Variants in CHD8 observed in about 807,000 individuals in gnomAD.
CHD8 encodes the protein chromodomain helicase DNA binding protein 8, also known as ATP-dependent chromatin remodeler CHD8.
CHD8 carries 31 observed loss-of-function variants against 279.2 expected under a neutral mutation model. The ratio of observed to expected loss-of-function variants is 0.11; its 90% confidence interval spans 0.08 to 0.15. CHD8 has a LOEUF of 0.15. Among genes scored for constraint, CHD8 ranks in the 10% least tolerant of loss-of-function variants. The probability of loss-of-function intolerance (pLI) is 1.00; values close to 1 mark genes in which losing one functional copy is unlikely to be tolerated. For missense variants in CHD8, 2,146 were observed against 3,230.5 expected (o/e 0.66, Z 8.14); for synonymous variants, 1,081 against 1,139.6 (o/e 0.95, Z 1.04).
At position 21,437,007 on chromosome 14, in the gene CHD8, T is replaced by C. The variant is rs995277596; in HGVS notation, c.-215-5149A>G. On this transcript the variant is annotated intron_variant, in intron 1 of 37. Coordinates refer to ENST00000646647, the MANE Select transcript of CHD8 (RefSeq NM_001170629.2). Reference sequence around the variant, plus strand: ...GGAAATGAGGTACATGCACTTGAGGTAAGGAGCTAGCGGGGGTGCCCTCCA... The same window carrying C: ...GGAAATGAGGTACATGCACTTGAGGCAAGGAGCTAGCGGGGGTGCCCTCCA... The C allele has an allele frequency of 1.0e-5, 13 of 1,238,588 alleles. No homozygotes were observed. The Admixed American group carries it at 3.3e-4, about 31-fold the overall frequency. The allele number at this position is 1,238,588 out of a possible 1,614,324, so 76.7% of individuals were successfully genotyped here. A position where few individuals can be genotyped will look rare whatever the true frequency, so the allele number is the denominator to read the frequency against.
In CHD8 at chr14:21,408,266, G is replaced by T. The variant is rs1158993087; in HGVS notation, c.2730+46C>A. 8 of 1,589,338 alleles carry T rather than the reference G, an allele frequency of 5.0e-6. No homozygotes were observed. The highest frequency in any genetic ancestry group is 6.9e-6 in the Non-Finnish European group (8 of 1,167,838). On this transcript the variant is annotated intron_variant, in intron 13 of 37. Transcript: ENST00000646647. The surrounding 1 kb of genome is among the most constrained non-coding windows in gnomAD (Gnocchi z 4.3). ...TAGCCCTTAAAATACCAGGTACCTT[G>T]GCCGACTTTCTCTAACTCATAGTAT...
At chr14:21,443,869 A>AAAAAC (rs1566455028) in intron 1 of CHD8, among the ~76,000 whole-genome samples, 5 of 151,436 alleles carry the variant, frequency 3.3e-5, no homozygotes, top group African/African-American at 1.2e-4. Context: ...AAAAAAAAAA[A>AAAAAC]AAAAAAAAAA....
In CHD8 at chr14:21,415,911, T is replaced by C. The variant is rs191933523; in HGVS notation, c.1717-4A>G. On this transcript the variant is annotated splice_polypyrimidine_tract_variant and splice_region_variant and intron_variant, in intron 5 of 37. Transcript: ENST00000646647. ...CTTGGCGGTTTGAGCGTCTCTTCTG[T>C]AGAGCAAAAAGTAGTTAGAGTGACT... is the stretch of plus-strand genomic sequence containing the variant. The C allele has an allele frequency of 9.1e-5, 146 of 1,610,610 alleles. No individual in the cohort carries two copies. In the East Asian group the frequency reaches 1.3e-3, roughly 14 times the overall value.
At chr14:21,410,862 CCTTTTT>C (rs1304428708) in intron 10 of CHD8, among the ~76,000 whole-genome samples, 1 of 152,164 alleles carries the variant, frequency 6.6e-6, no homozygotes, top group Non-Finnish European at 1.5e-5. Context: ...TGCTCTTTTA[CCTTTTT>C]CTTTATCATA....
chr14:21,410,070 A>C, intron 10 of CHD8, 82 bp from the exon 11 acceptor site: 1 of 1,366,526 alleles, frequency 7.3e-7, no homozygotes, highest in East Asian at 2.5e-5. Flanking sequence ...TGATTGTAAA[A>C]TCAGATCACA....
Position 21,430,898 on chromosome 14 carries a change from A to C in CHD8, c.746T>G (p.Val249Gly). Residue 249 changes from valine (V) to glycine (G), a missense_variant, in exon 2 of 38, where the codon GTC becomes GGC. Val to Gly is a moderately radical substitution (Grantham distance 109). Coordinates refer to ENST00000646647, the MANE Select transcript of CHD8 (RefSeq NM_001170629.2). ...VQPSRPVKQL[V>G]LQPVKGSAPA... ...AGCTGAACCCTTAACTGGCTGGAGG[A>C]CCAGCTGCTTTACTGGTCGGCTGGG... The C allele has an allele frequency of 6.3e-7, 1 of 1,599,380 alleles. No individual in the cohort carries two copies. Among genetic ancestry groups the C allele is most frequent in the Non-Finnish European group, 8.5e-7 (1 of 1,179,732 alleles).
At position 21,426,135 on chromosome 14, in the gene CHD8, C is replaced by T; in HGVS notation, c.1709G>A (p.Ser570Asn). Residue 570 changes from serine to asparagine, a missense_variant, in exon 5 of 38, where the codon AGC (serine) becomes AAC (asparagine). This residue lies in a region of CHD8 where 123 missense variants were observed against 169.2 expected (regional missense o/e 0.73). Coordinates refer to ENST00000646647, the MANE Select transcript of CHD8 (RefSeq NM_001170629.2). ...AQSPREDEES[S>N]IQKRRSNRQV... ...CTTTTGGGATCCTTTTACCTGAATG[C>T]TGCTTTCTTCATCTTCTCGAGGTGA... The T allele has an allele frequency of 6.3e-7, 1 of 1,590,992 alleles. No homozygotes were observed. The highest frequency in any genetic ancestry group is 8.6e-7 in the Non-Finnish European group (1 of 1,160,746).
chr14:21,399,678 C>G lies in CHD8; in HGVS notation c.4845G>C (p.Val1615=). 6.2e-7 allele frequency: 1 copy of G among 1,612,526 alleles called. No individual in the cohort carries two copies. The highest frequency in any genetic ancestry group is 2.2e-5 in the East Asian group (1 of 44,866). Residue 1615 remains valine (V), a synonymous_variant, in exon 26 of 38, where the codon GTG becomes GTC. Coordinates refer to ENST00000646647, the MANE Select transcript of CHD8 (RefSeq NM_001170629.2). The stretch of plus-strand genomic sequence containing the variant: ...AAGTTGTTGGAACCTCCAGTTGATC[C>G]ACTACTGGGAACCATATGTCAATCT... ...ASEIDIWFPV[V]DQLEVPTTWW... is the part of the protein sequence containing the mutation.
rs531116690 is a variant in CHD8 at position 21,406,853 on chromosome 14, C to A, written c.2907+3G>T. ...TCTGCTCACAAGTCAGTGTGGAACT[C>A]ACCAGGTCCATGTGCTTGAGACTAT... On this transcript the variant is annotated splice_donor_region_variant and intron_variant, in intron 14 of 37. Transcript: ENST00000646647. 1.9e-5 allele frequency: 31 copies of A among 1,611,176 alleles called. No homozygotes were observed. In the South Asian group the frequency reaches 3.3e-4, roughly 17 times the overall value.
At chr14:21,427,264 G>T in intron 4 of CHD8, 1 of 250,506 alleles carries the variant, frequency 4.0e-6, no homozygotes, top group Non-Finnish European at 7.4e-6. Context: ...CAATAGCAAG[G>T]AGTACTCAAT....
chr14:21,446,317 CT>C (rs71112587), intron 1 of CHD8, among the ~76,000 whole-genome samples: 82 of 137,486 alleles, frequency 6.0e-4, no homozygotes, highest in Admixed American at 2.5e-3. Context: ...TCTTCTTCTT[CT>C]TTTTTTTTTT....
chr14:21,414,477 T>C, intron 8 of CHD8, 59 bp from the exon 9 acceptor site: 3 of 942,190 alleles, frequency 3.2e-6, no homozygotes, highest in Non-Finnish European at 5.0e-6. Context: ...CAGGCTACTG[T>C]CTGAAATTTT....
chr14:21,391,803 G>A (rs750851508), intron 35 of CHD8, 30 bp downstream of exon 35: 18 of 1,560,342 alleles, frequency 1.2e-5, no homozygotes, highest in Admixed American at 6.7e-5. Flanking sequence ...CAATCTAATC[G>A]TCAGGTTAAA....
chr14:21,441,793 G>T (rs1192702363), intron 1 of CHD8, among the ~76,000 whole-genome samples: 1 of 152,326 alleles, frequency 6.6e-6, no homozygotes, highest in South Asian at 2.1e-4. Context: ...GGAGGCTGAG[G>T]CAGGAGAATG....
intron 13 of CHD8, among the ~76,000 whole-genome samples, chr14:21,407,834 C>T (rs1260890681): frequency 1.3e-5 from 2 of 152,064 alleles, no homozygotes; most frequent in African/African-American, 2.4e-5. Context: ...GTCTAGAACT[C>T]CCGGCCTCAG....
chr14:21,394,064 C>T lies in CHD8; in HGVS notation c.5731G>A (p.Ala1911Thr), dbSNP rs1887664526. 3 of 1,613,954 alleles carry T rather than the reference C, an allele frequency of 1.9e-6. No individual in the cohort carries two copies. Among genetic ancestry groups the T allele is most frequent in the Non-Finnish European group, 2.5e-6 (3 of 1,179,866 alleles). ...LCHPLLEDRL[A>T]LCQPPGPELP... Reference sequence around the variant, plus strand: ...TCAGGACCAGGAGGCTGACACAATGCCAGCCGATCTTCCAAAAGGGGGTGG... The same window carrying T: ...TCAGGACCAGGAGGCTGACACAATGTCAGCCGATCTTCCAAAAGGGGGTGG... Residue 1911 changes from alanine to threonine, a missense_variant, in exon 32 of 38, where the codon GCA (alanine) becomes ACA (threonine). By Grantham distance (58) the Ala-to-Thr change is moderately conservative (BLOSUM62 0). Transcript: ENST00000646647.
chr14:21,435,868 G>A (rs564125468), intron 1 of CHD8, among the ~76,000 whole-genome samples: 1 of 152,306 alleles, frequency 6.6e-6, no homozygotes, highest in South Asian at 2.1e-4. Flanking sequence ...TCCTGGCTTG[G>A]CAGAGTTACC....
chr14:21,420,502 A>G (rs924263270), intron 5 of CHD8, among the ~76,000 whole-genome samples: 2 of 152,238 alleles, frequency 1.3e-5, no homozygotes, highest in African/African-American at 2.4e-5. Flanking sequence ...GGACTTCATT[A>G]AAAATCTACT....
chr14:21,414,610 C>T, intron 8 of CHD8, 192 bp from the exon 9 acceptor site: 1 of 592,058 alleles, frequency 1.7e-6, no homozygotes, highest in South Asian at 2.2e-5. Flanking sequence ...CTTGAAAGCC[C>T]ACATTTTTAA....
Sources: gnomAD v4.1 joint callset for allele counts (sites outside exome capture counted in the v4.1 genomes callset) on GRCh38, gnomAD v4.1.1 for gene constraint, gnomAD v4.1.1 regional missense constraint, Gnocchi (gnomAD v3.1) non-coding constraint, MANE v1.5 for transcripts, NCBI Gene and HGNC (gene_info 2026-07-23, HGNC 2026-07-21) for gene names.